EYA2: variants seen among roughly 807,000 people sequenced by gnomAD.
EYA2 encodes EYA transcriptional coactivator and phosphatase 2, also known as protein phosphatase EYA2.
A neutral mutation model predicts 69.2 loss-of-function variants in EYA2; 31 were observed. The ratio of observed to expected loss-of-function variants is 0.45; its 90% CI spans 0.34 to 0.60. The LOEUF (loss-of-function observed/expected upper bound fraction) is 0.60, where lower values mean the gene tolerates loss of function less well. Ranked by LOEUF, EYA2 falls within the 20% of genes least tolerant of loss-of-function variation. The probability of loss-of-function intolerance (pLI) is 0.02; values close to 1 mark genes in which losing one functional copy is unlikely to be tolerated. For missense variants in EYA2, 622 were observed against 701.2 expected (o/e 0.89, Z 1.28); for synonymous variants, 257 against 279.4 (o/e 0.92, Z 0.80).
chr20:47,029,632 C>T (rs1357804360), intron 5 of EYA2, among the ~76,000 whole-genome samples: 2 of 152,218 alleles, frequency 1.3e-5, no homozygotes, highest in Non-Finnish European at 2.9e-5. Flanking sequence ...TACAAGGTTA[C>T]TAACTTCCTT....
At chr20:47,134,902 C>T (rs982046530) in intron 9 of EYA2, among the ~76,000 whole-genome samples, 5 of 151,604 alleles carry the variant, frequency 3.3e-5, no homozygotes, top group African/African-American at 1.2e-4. Flanking sequence ...CTGAGGCGGG[C>T]GGATCATGAG....
At chr20:47,146,762 A>G (rs1465145734) in intron 10 of EYA2, among the ~76,000 whole-genome samples, 1 of 152,182 alleles carries the variant, frequency 6.6e-6, no homozygotes, top group Non-Finnish European at 1.5e-5. Context: ...CTGTAGTAGT[A>G]CCACCTGTAA....
At chr20:46,987,962 CTCTATA>C (rs1184605467) in intron 1 of EYA2, among the ~76,000 whole-genome samples, 5 of 17,550 alleles carry the variant, frequency 2.8e-4, no homozygotes, top group Admixed American at 1.6e-3. Flanking sequence ...CTCTCTCTCT[CTCTATA>C]TATATATATA....
At chr20:46,917,677 C>T (rs1984974386) in intron 1 of EYA2, among the ~76,000 whole-genome samples, 1 of 152,196 alleles carries the variant, frequency 6.6e-6, no homozygotes, top group African/African-American at 2.4e-5. Flanking sequence ...TATGTTTACA[C>T]TATTACTGTA....
intron 5 of EYA2, among the ~76,000 whole-genome samples, chr20:47,070,883 G>A (rs948093076): frequency 1.3e-5 from 2 of 151,940 alleles, no homozygotes; most frequent in Non-Finnish European, 1.5e-5. Flanking sequence ...GGGTCTTGCC[G>A]TGTTGCGCAG....
chr20:47,031,328 G>A (rs6063062), intron 5 of EYA2, among the ~76,000 whole-genome samples: 14,186 of 152,074 alleles, frequency 0.093, 1,012 homozygotes, highest in East Asian at 0.28. Flanking sequence ...CTCAGGCACC[G>A]GGAAGCCATG....
chr20:47,081,508 G>A (rs1387066813), intron 7 of EYA2, among the ~76,000 whole-genome samples: 6 of 152,080 alleles, frequency 3.9e-5, no homozygotes, highest in Non-Finnish European at 5.9e-5. Flanking sequence ...GCCGGGCATG[G>A]TGGCTCATGC....
intron 5 of EYA2, among the ~76,000 whole-genome samples, chr20:47,028,001 G>A (rs944057688): frequency 1.3e-5 from 2 of 152,150 alleles, no homozygotes; most frequent in Non-Finnish European, 1.5e-5. Flanking sequence ...GATGGGTTTT[G>A]GTGATGAGGC....
intron 10 of EYA2, among the ~76,000 whole-genome samples, chr20:47,152,902 A>C (rs2868850): frequency 0.017 from 2,550 of 151,456 alleles, 71 homozygotes; most frequent in African/African-American, 0.058. Flanking sequence ...ACTTCACTCC[A>C]GCCTGGGTGA....
intron 9 of EYA2, among the ~76,000 whole-genome samples, chr20:47,107,704 GAGA>G (rs1285127072): frequency 2.8e-5 from 4 of 141,738 alleles, no homozygotes; most frequent in Non-Finnish European, 4.6e-5. Context: ...AAAAACAAAA[GAGA>G]AGAAGGAAGA....
At chr20:47,181,048 T>G in intron 14 of EYA2, 112 bp downstream of exon 14, 1 of 1,425,530 alleles carries the variant, frequency 7.0e-7, no homozygotes, top group South Asian at 1.4e-5. Context: ...GGATGGAGTG[T>G]GCCTATGGCC....
At chr20:46,958,830 A>G (rs1979299116) in intron 1 of EYA2, among the ~76,000 whole-genome samples, 1 of 152,160 alleles carries the variant, frequency 6.6e-6, no homozygotes, top group Non-Finnish European at 1.5e-5. Flanking sequence ...TGCTAAGGGT[A>G]ATGGCCTCAA....
chr20:46,986,182 C>A (rs1443029071), intron 1 of EYA2, among the ~76,000 whole-genome samples: 1 of 151,550 alleles, frequency 6.6e-6, no homozygotes, highest in African/African-American at 2.4e-5. Flanking sequence ...GTGCCTGTGG[C>A]ATTTGAGAAA....
intron 5 of EYA2, among the ~76,000 whole-genome samples, chr20:47,043,313 G>C (rs915283297): frequency 3.3e-5 from 5 of 152,166 alleles, no homozygotes; most frequent in African/African-American, 1.2e-4. Flanking sequence ...CACAGGCAGG[G>C]GACCCACGGA....
intron 9 of EYA2, among the ~76,000 whole-genome samples, chr20:47,110,880 C>T (rs2032730934): frequency 6.6e-6 from 1 of 152,236 alleles, no homozygotes; most frequent in South Asian, 2.1e-4. Context: ...CTGAGATGCT[C>T]CATGCCCCCT....
chr20:46,953,416 G>C (rs1214821707), intron 1 of EYA2, among the ~76,000 whole-genome samples: 2 of 152,154 alleles, frequency 1.3e-5, no homozygotes, highest in East Asian at 3.8e-4. Flanking sequence ...TCGGTGGAAA[G>C]GAAGCATCAA....
rs1178470109 is a variant in EYA2 at position 47,074,448 on chromosome 20, A to T, written c.661+113A>T. 6 of 1,161,480 alleles carry T rather than the reference A, an allele frequency of 5.2e-6. No homozygotes were observed. The Admixed American group carries it at 6.5e-5, about 13-fold the overall frequency. The allele number at this position is 1,161,480 out of a possible 1,614,324, so 71.9% of individuals were successfully genotyped here. The stretch of plus-strand genomic sequence containing the variant: ...CAAACAGGTTACCCAAGGGTCATTC[A>T]TGGATGTGGCCTGAGAGCTTCTCTG... On this transcript the variant is annotated intron_variant, in intron 7 of 15. Coordinates refer to ENST00000327619, the MANE Select transcript of EYA2 (RefSeq NM_005244.5).
chr20:46,987,964 CTATATATATATATATA>C (rs71183225), intron 1 of EYA2, among the ~76,000 whole-genome samples: 11 of 11,278 alleles, frequency 9.8e-4, no homozygotes, highest in African/African-American at 1.4e-3. Context: ...CTCTCTCTCT[CTATATATATATATATA>C]TATATATATA....
At chr20:47,093,375 G>A (rs2032146047) in intron 8 of EYA2, among the ~76,000 whole-genome samples, 1 of 152,212 alleles carries the variant, frequency 6.6e-6, no homozygotes, top group African/African-American at 2.4e-5. Context: ...ACACTCAGGG[G>A]GCCATAGGAG....
Sources: gnomAD v4.1 joint callset for allele counts (sites outside exome capture counted in the v4.1 genomes callset) on GRCh38, gnomAD v4.1.1 for gene constraint, MANE v1.5 for transcripts, NCBI Gene and HGNC (gene_info 2026-07-23, HGNC 2026-07-21) for gene names.